The following ZNF644 variants were observed in gnomAD, a reference collection of about 807,000 sequenced individuals.
ZNF644 encodes zinc finger motif enhancer binding protein 2.
Under a neutral mutation model 108.0 loss-of-function variants are expected in ZNF644, and 20 were observed. The ratio of observed to expected loss-of-function variants is 0.19; its 90% CI spans 0.13 to 0.27. The LOEUF (loss-of-function observed/expected upper bound fraction) is 0.27. Among genes scored for constraint, ZNF644 ranks in the 10% least tolerant of loss-of-function variants. The pLI, the probability that ZNF644 is intolerant of heterozygous loss-of-function variation, is 1.00. For missense variants in ZNF644, 1,338 were observed against 1,548.9 expected (o/e 0.86, Z 2.29); for synonymous variants, 542 against 539.1 (o/e 1.01, Z -0.08).
chr1:91,014,896 A>G (rs1660301164), intron 1 of ZNF644, among the ~76,000 whole-genome samples: 1 of 152,180 alleles, frequency 6.6e-6, no homozygotes. Context: ...CCTTCTCAAG[A>G]TATACCTAGG....
intron 4 of ZNF644, 41 bp downstream of exon 4, chr1:90,937,444 C>T: frequency 6.2e-7 from 1 of 1,612,648 alleles, no homozygotes; most frequent in South Asian, 1.1e-5. Context: ...AATTGAACTG[C>T]ATTTAAACTG....
chr1:90,964,919 T>C (rs973666500), intron 2 of ZNF644, among the ~76,000 whole-genome samples: 5 of 152,154 alleles, frequency 3.3e-5, no homozygotes, highest in Non-Finnish European at 5.9e-5. Flanking sequence ...TTGTTGCTTG[T>C]TGTTTTTAAA....
intron 1 of ZNF644, among the ~76,000 whole-genome samples, chr1:90,994,911 C>T (rs1466734434): frequency 6.6e-6 from 1 of 152,130 alleles, no homozygotes; most frequent in Non-Finnish European, 1.5e-5. Context: ...TGGCTGCATA[C>T]ATCAGGGGAG....
At chr1:90,931,160 G>A (rs1186401115) in intron 4 of ZNF644, among the ~76,000 whole-genome samples, 1 of 151,730 alleles carries the variant, frequency 6.6e-6, no homozygotes, top group African/African-American at 2.4e-5. Context: ...TTCTTAATAT[G>A]GCTAGCATAA....
chr1:90,968,617 TAACA>T (rs1655160621), intron 2 of ZNF644, among the ~76,000 whole-genome samples: 1 of 152,188 alleles, frequency 6.6e-6, no homozygotes, highest in African/African-American at 2.4e-5. Context: ...TGTGTAATTT[TAACA>T]GACAGTACAA....
chr1:90,938,057 G>T lies in ZNF644; in HGVS notation c.3116C>A (p.Thr1039Asn). The change falls in exon 4 of 6, where the codon ACT becomes AAT. Residue 1039 changes from threonine to asparagine, a missense_variant. Physicochemically the swap from Thr to Asn is moderately conservative, Grantham distance 65. This residue lies in a region of ZNF644 where 287 missense variants were observed against 310.9 expected (regional missense o/e 0.92). Transcript: ENST00000337393. The surrounding 1 kb of genome is among the most constrained non-coding windows in gnomAD (Gnocchi z 4.2). ...IEKSETTSEH[T>N]CQLCGGWFDT... ...AAACCAACCACCACAGAGCTGACAA[G>T]TGTGTTCAGAAGTGGTTTCAGACTT... 6.2e-7 allele frequency: 1 copy of T among 1,610,768 alleles called. No individual in the cohort carries two copies.
intron 1 of ZNF644, among the ~76,000 whole-genome samples, chr1:91,017,589 TTTC>T (rs1172617922): frequency 6.6e-6 from 1 of 152,246 alleles, no homozygotes; most frequent in Non-Finnish European, 1.5e-5. Context: ...TGTCAAAGGA[TTTC>T]TTATCTTGAA....
Position 90,938,386 on chromosome 1 carries a change from C to G in ZNF644, c.2968G>C (p.Gly990Arg). 1 of 1,613,898 alleles carries G rather than the reference C, an allele frequency of 6.2e-7. No homozygotes were observed. Among genetic ancestry groups the G allele is most frequent in the Non-Finnish European group, 8.5e-7 (1 of 1,179,892 alleles). The change falls in exon 3 of 6, where the codon GGA becomes CGA. Residue 990 changes from glycine (G) to arginine (R), a missense_variant. Physicochemically the swap from Gly to Arg is moderately radical, Grantham distance 125 (BLOSUM62 -2). Around this residue, in one of 6 missense-constraint regions of ZNF644, gnomAD observed 11 missense variants for 45.8 expected, o/e 0.24. Coordinates refer to ENST00000337393, the MANE Select transcript of ZNF644 (RefSeq NM_201269.3). The surrounding 1 kb of genome is among the most constrained non-coding windows in gnomAD (Gnocchi z 4.2). ...ACATGACGGGCTTCATAGCTTAATC[C>G]TGCTCTGTGAAGATGCCCCCTGACA... ...NHVRGHLHRA[G>R]LSYEARHVVS...
chr1:90,918,189 A>G, intron 4 of ZNF644, 35 bp from the exon 5 acceptor site: 1 of 1,547,244 alleles, frequency 6.5e-7, no homozygotes, highest in Non-Finnish European at 8.9e-7. Flanking sequence ...AACATTCCTT[A>G]TATATTTCAA....
At chr1:90,954,801 A>G (rs1653577203) in intron 2 of ZNF644, among the ~76,000 whole-genome samples, 1 of 152,206 alleles carries the variant, frequency 6.6e-6, no homozygotes, top group Admixed American at 6.5e-5. Flanking sequence ...AAAGTCATAC[A>G]TGAGGGTTGA....
At chr1:91,001,664 T>C (rs1316236334) in intron 1 of ZNF644, among the ~76,000 whole-genome samples, 1 of 152,150 alleles carries the variant, frequency 6.6e-6, no homozygotes, top group Non-Finnish European at 1.5e-5. Flanking sequence ...CTATTCAACA[T>C]AGTGTTGGAA....
intron 1 of ZNF644, among the ~76,000 whole-genome samples, chr1:90,984,368 C>T (rs907211301): frequency 1.3e-5 from 2 of 151,778 alleles, no homozygotes; most frequent in Non-Finnish European, 2.9e-5. Flanking sequence ...TATATTAGAG[C>T]GAGAGCCTTT....
At chr1:90,984,706 T>C (rs1030173984) in intron 1 of ZNF644, among the ~76,000 whole-genome samples, 1 of 152,160 alleles carries the variant, frequency 6.6e-6, no homozygotes, top group African/African-American at 2.4e-5. Context: ...CTGGTATCAT[T>C]CTAAGAGATA....
At chr1:91,010,552 GT>G (rs901957543) in intron 1 of ZNF644, among the ~76,000 whole-genome samples, 6 of 151,652 alleles carry the variant, frequency 4.0e-5, no homozygotes, top group African/African-American at 1.2e-4. Flanking sequence ...CCCCCTAGCT[GT>G]TATCTCCTTC....
In ZNF644 at chr1:90,915,711, G is replaced by T. The variant is rs1007181159; in HGVS notation, c.*1087C>A. On this transcript the variant is annotated 3_prime_UTR_variant, in exon 6 of 6. Coordinates refer to ENST00000337393, the MANE Select transcript of ZNF644 (RefSeq NM_201269.3). ...TCTTAGCATGAGCATAGTGTTACAC[G>T]ATTTTCGTACATATAATCACATCCA... 2 of 152,492 alleles carry T rather than the reference G, an allele frequency of 1.3e-5. No homozygotes were observed. The highest frequency in any genetic ancestry group is 4.8e-5 in the African/African-American group (2 of 41,396). 9.4% of individuals were successfully genotyped at this position (152,492 alleles called of 1,614,324 possible).
intron 4 of ZNF644, among the ~76,000 whole-genome samples, chr1:90,931,125 C>T (rs1008210923): frequency 2.0e-5 from 3 of 151,860 alleles, no homozygotes; most frequent in African/African-American, 7.3e-5. Context: ...TATAGTCACT[C>T]CATTAATAAC....
intron 2 of ZNF644, among the ~76,000 whole-genome samples, chr1:90,969,408 A>G (rs1655241948): frequency 6.6e-6 from 1 of 152,228 alleles, no homozygotes; most frequent in African/African-American, 2.4e-5. Flanking sequence ...CTGTGGTACA[A>G]TAGTCACCCC....
intron 4 of ZNF644, among the ~76,000 whole-genome samples, chr1:90,934,130 A>G (rs1406405417): frequency 6.6e-6 from 1 of 152,178 alleles, no homozygotes; most frequent in African/African-American, 2.4e-5. Context: ...AGGTGAGGGT[A>G]TATAAAAATT....
intron 2 of ZNF644, chr1:90,972,653 A>G (rs1012274040): frequency 5.3e-5 from 8 of 152,202 alleles, no homozygotes; most frequent in African/African-American, 1.9e-4. Flanking sequence ...TCTTGAAGAG[A>G]TATTTGTACA....
Sources: allele counts gnomAD v4.1 joint callset (sites outside exome capture counted in the v4.1 genomes callset), GRCh38; gene constraint gnomAD v4.1.1; regional missense constraint gnomAD v4.1.1; non-coding constraint Gnocchi (gnomAD v3.1); transcripts MANE v1.5; gene names NCBI Gene and HGNC (gene_info 2026-07-23, HGNC 2026-07-21).